The following GRIA3 variants were observed in gnomAD, a reference collection of about 807,000 sequenced individuals.
GRIA3 encodes the protein glutamate ionotropic receptor AMPA type subunit 3.
Under a neutral mutation model 63.0 loss-of-function variants are expected in GRIA3, and 3 were observed. The ratio of observed to expected loss-of-function variants is 0.05; its 90% CI spans 0.02 to 0.12. The LOEUF (loss-of-function observed/expected upper bound fraction) is 0.12. Ranked by LOEUF, GRIA3 falls within the 10% of genes least tolerant of loss-of-function variation. GRIA3 has a pLI of 1.00. For missense variants in GRIA3, 347 were observed against 700.9 expected, an observed-to-expected ratio of 0.50 and a Z score of 5.70; for synonymous variants, 274 against 257.9, an observed-to-expected ratio of 1.06 and a Z score of -0.60.
intron 13 of GRIA3, among the ~76,000 whole-genome samples, chrX:123,472,078 G>C (rs1260058228): frequency 1.1e-5 from 1 of 87,295 alleles, no homozygotes; most frequent in Non-Finnish European, 2.2e-5. Flanking sequence ...GTGATGTGTA[G>C]ATGCTAGAAT....
At chrX:123,483,758 C>G (rs1479708932) in intron 15 of GRIA3, among the ~76,000 whole-genome samples, 1 of 111,735 alleles carries the variant, frequency 8.9e-6, no homozygotes, top group Non-Finnish European at 1.9e-5. Context: ...CGGTGAAACC[C>G]TGTCTCTACT....
At chrX:123,192,232 C>A (rs1425192103) in intron 2 of GRIA3, among the ~76,000 whole-genome samples, 1 of 111,401 alleles carries the variant, frequency 9.0e-6, no homozygotes, top group Admixed American at 9.5e-5. Context: ...TGCTAAAGTT[C>A]ATAGGTATTT....
chrX:123,389,498 G>A (rs1034653837), intron 5 of GRIA3, among the ~76,000 whole-genome samples: 1 of 110,755 alleles, frequency 9.0e-6, no homozygotes, highest in African/African-American at 3.3e-5. Context: ...TTTGACTTAA[G>A]TCTGTTTTTT....
chrX:123,194,742 A>T (rs755468249), intron 2 of GRIA3, among the ~76,000 whole-genome samples: 5 of 112,590 alleles, frequency 4.4e-5, no homozygotes, highest in African/African-American at 1.6e-4. Context: ...TTTAGGAATC[A>T]CAGGTTTAAA....
chrX:123,440,386 T>A (rs1388144437), intron 12 of GRIA3, among the ~76,000 whole-genome samples: 1 of 112,546 alleles, frequency 8.9e-6, no homozygotes, highest in East Asian at 2.8e-4. Context: ...CTTTCCACAA[T>A]GGTTGAACTA....
intron 2 of GRIA3, among the ~76,000 whole-genome samples, chrX:123,244,986 T>C (rs753085197): frequency 1.8e-5 from 2 of 112,474 alleles, no homozygotes; most frequent in South Asian, 7.3e-4. Flanking sequence ...CAGTATTCAA[T>C]AGTCTGGGAA....
intron 2 of GRIA3, among the ~76,000 whole-genome samples, chrX:123,208,699 C>T (rs1409801916): frequency 1.8e-5 from 2 of 112,124 alleles, no homozygotes; most frequent in African/African-American, 3.2e-5. Context: ...CTTTTCCCAC[C>T]TACCCTCAGA....
chrX:123,201,932 G>A (rs772353789), intron 2 of GRIA3, among the ~76,000 whole-genome samples: 7 of 112,050 alleles, frequency 6.2e-5, no homozygotes, highest in Admixed American at 1.9e-4. Flanking sequence ...AGGGATTGCT[G>A]TCATCCCCGG....
At chrX:123,352,589 C>CA (rs963828181) in intron 4 of GRIA3, among the ~76,000 whole-genome samples, 2 of 111,739 alleles carry the variant, frequency 1.8e-5, no homozygotes, top group Non-Finnish European at 3.8e-5. Context: ...TCTCTACACA[C>CA]AAAAAAACAC....
chrX:123,440,210 A>C (rs760634949), intron 12 of GRIA3, among the ~76,000 whole-genome samples: 4 of 112,424 alleles, frequency 3.6e-5, no homozygotes, highest in African/African-American at 1.3e-4. Context: ...CGGGCATTTA[A>C]GTTGATTCCA....
intron 5 of GRIA3, chrX:123,358,251 T>C (rs903836477): frequency 2.7e-5 from 3 of 112,024 alleles, no homozygotes; most frequent in African/African-American, 9.7e-5. Context: ...AGTCTTGGTG[T>C]TACAGACAGC....
intron 2 of GRIA3, among the ~76,000 whole-genome samples, chrX:123,204,911 T>C (rs1927845403): frequency 9.0e-6 from 1 of 111,343 alleles, no homozygotes; most frequent in Admixed American, 9.5e-5. Context: ...AAAACCTCAG[T>C]AATTAATTGG....
intron 3 of GRIA3, among the ~76,000 whole-genome samples, chrX:123,312,434 T>C (rs917548215): frequency 8.9e-6 from 1 of 111,853 alleles, no homozygotes; most frequent in Non-Finnish European, 1.9e-5. Flanking sequence ...TGAGGCTTTG[T>C]GGTGGAGGGC....
chrX:123,467,569 T>A (rs958269255), intron 13 of GRIA3, among the ~76,000 whole-genome samples: 17 of 111,934 alleles, frequency 1.5e-4, no homozygotes, highest in African/African-American at 5.2e-4. Context: ...AGAACCTAAT[T>A]GTATCATTGA....
chrX:123,374,530 G>A (rs1244637684), intron 5 of GRIA3, among the ~76,000 whole-genome samples: 5 of 111,382 alleles, frequency 4.5e-5, no homozygotes, highest in Non-Finnish European at 7.5e-5. Context: ...CCTTTATTTC[G>A]TTGAGCAGTG....
At chrX:123,287,026 G>A (rs2044624596) in intron 3 of GRIA3, among the ~76,000 whole-genome samples, 1 of 111,757 alleles carries the variant, frequency 8.9e-6, no homozygotes, top group Non-Finnish European at 1.9e-5. Context: ...TAAAATACTG[G>A]CAAACCAAAT....
intron 4 of GRIA3, among the ~76,000 whole-genome samples, chrX:123,334,378 C>A (rs1476297898): frequency 1.8e-5 from 2 of 111,362 alleles, no homozygotes. Context: ...TGGCACAATT[C>A]TCTGGTCATA....
intron 3 of GRIA3, among the ~76,000 whole-genome samples, chrX:123,312,810 A>AC (rs2044804014): frequency 9.2e-6 from 1 of 108,398 alleles, no homozygotes; most frequent in Non-Finnish European, 1.9e-5. Context: ...ATGCCACAGA[A>AC]ACTTTGTTTT....
intron 4 of GRIA3, among the ~76,000 whole-genome samples, chrX:123,328,331 T>A (rs1465267289): frequency 8.9e-6 from 1 of 112,144 alleles, no homozygotes; most frequent in Non-Finnish European, 1.9e-5. Context: ...TAAACTAGTA[T>A]CATTCAAAAA....
Sources: allele counts gnomAD v4.1 joint callset (sites outside exome capture counted in the v4.1 genomes callset), GRCh38; gene constraint gnomAD v4.1.1; transcripts MANE v1.5; gene names NCBI Gene and HGNC (gene_info 2026-07-23, HGNC 2026-07-21).